CPNE4: variants seen among roughly 807,000 people sequenced by gnomAD.
CPNE4 encodes copine-4.
CPNE4 carries 25 observed loss-of-function variants against 67.9 expected under a neutral mutation model. That is an observed-to-expected ratio of 0.37 (90% CI 0.27 to 0.51). CPNE4 has a LOEUF of 0.51. Among genes scored for constraint, CPNE4 ranks in the 20% least tolerant of loss-of-function variants. The pLI is 0.93. For missense variants in CPNE4, 464 were observed against 690.8 expected, an observed-to-expected ratio of 0.67 and a Z score of 3.68; for synonymous variants, 242 against 244.9, an observed-to-expected ratio of 0.99 and a Z score of 0.11.
At chr3:131,672,245 G>A (rs1005676358) in intron 6 of CPNE4, among the ~76,000 whole-genome samples, 4 of 152,114 alleles carry the variant, frequency 2.6e-5, no homozygotes, top group Non-Finnish European at 5.9e-5. Flanking sequence ...AGACTTGTAG[G>A]TTGCTTCCAA....
At chr3:131,586,556 A>G (rs1167283678) in intron 8 of CPNE4, among the ~76,000 whole-genome samples, 1 of 152,204 alleles carries the variant, frequency 6.6e-6, no homozygotes, top group Non-Finnish European at 1.5e-5. Context: ...ACCTCCTGTT[A>G]CATCTCCTTC....
chr3:131,920,652 AGATGCT>A (rs988012416), intron 1 of CPNE4, among the ~76,000 whole-genome samples: 12 of 152,160 alleles, frequency 7.9e-5, no homozygotes, highest in Non-Finnish European at 1.6e-4. Context: ...CAGTGGCTTC[AGATGCT>A]GATAAGAAAA....
At chr3:131,714,795 G>A (rs7633875) in intron 3 of CPNE4, among the ~76,000 whole-genome samples, 128,147 of 152,096 alleles carry the variant, frequency 0.84, 55,053 homozygotes, top group Non-Finnish European at 0.94. Flanking sequence ...CTCAAGTTTG[G>A]GAACCACTGC....
intron 10 of CPNE4, among the ~76,000 whole-genome samples, chr3:131,567,558 C>T (rs912860927): frequency 3.3e-5 from 5 of 151,884 alleles, no homozygotes; most frequent in South Asian, 2.1e-4. Flanking sequence ...ACCCCAGGTA[C>T]GTCTCTTGCT....
intron 7 of CPNE4, among the ~76,000 whole-genome samples, chr3:131,652,572 TAA>T (rs1318071048): frequency 2.6e-5 from 4 of 152,206 alleles, no homozygotes; most frequent in Non-Finnish European, 5.9e-5. Flanking sequence ...TATATATTAT[TAA>T]GTTAGAAAAT....
chr3:131,728,513 T>G (rs988809474), intron 2 of CPNE4, among the ~76,000 whole-genome samples: 1 of 152,078 alleles, frequency 6.6e-6, no homozygotes, highest in African/African-American at 2.4e-5. Flanking sequence ...GTGGAACTGA[T>G]AGGGAAAGTC....
chr3:131,610,194 C>T lies in CPNE4; in HGVS notation c.682-22612G>A, dbSNP rs75513808. Among the ~76,000 whole-genome samples the T allele has an allele frequency of 7.1e-3, 1,079 of 152,202 alleles. 6 individuals are homozygous for T. The highest frequency in any genetic ancestry group is 0.025 in the African/African-American group (1,026 of 41,540). ...ACTGTAGATAAAATGATGAACAAGG[C>T]AGCCATTGCTTTTTCCATCACAAAG... On this transcript the variant is annotated intron_variant, in intron 7 of 15. Transcript: ENST00000429747.
chr3:131,562,615 T>A (rs1333235414), intron 11 of CPNE4, among the ~76,000 whole-genome samples: 8 of 152,150 alleles, frequency 5.3e-5, no homozygotes, highest in African/African-American at 1.7e-4. Flanking sequence ...TGTATGCATC[T>A]GTGTGTGTGG....
chr3:131,996,753 C>T (rs779431099), intron 1 of CPNE4, among the ~76,000 whole-genome samples: 7 of 151,914 alleles, frequency 4.6e-5, no homozygotes, highest in Non-Finnish European at 7.4e-5. Context: ...TTCTGTACGG[C>T]GTGTTCTGAT....
In CPNE4 at chr3:131,723,703, C is replaced by T. The variant is rs1171788863; in HGVS notation, c.181-78G>A. The T allele has an allele frequency of 3.1e-6, 4 of 1,295,420 alleles. No individual in the cohort carries two copies. The African/African-American group carries it at 4.4e-5, about 14-fold the overall frequency. The allele number at this position is 1,295,420 out of a possible 1,614,324, so 80.2% of individuals were successfully genotyped here. A position where few individuals can be genotyped will look rare whatever the true frequency, so the allele number is the denominator to read the frequency against. ...CCGTTCAAGAAAATTCATCTCAGAG[C>T]ACTTCCCTTCTTCCCAACCATAAAT... On this transcript the variant is annotated intron_variant, in intron 2 of 15. Transcript: ENST00000429747.
intron 3 of CPNE4, among the ~76,000 whole-genome samples, chr3:131,718,169 T>C (rs2081784381): frequency 6.6e-6 from 1 of 152,008 alleles, no homozygotes; most frequent in South Asian, 2.1e-4. Flanking sequence ...TAATATTTTG[T>C]ATTTTTAGTA....
intron 1 of CPNE4, among the ~76,000 whole-genome samples, chr3:131,951,569 G>A (rs145861897): frequency 7.2e-6 from 1 of 139,824 alleles, no homozygotes; most frequent in African/African-American, 3.3e-5. Flanking sequence ...CTCTTTCCAC[G>A]GTCTCCCTCT....
chr3:131,955,410 G>GTTTTTTTGTTTTTTTTTTTTTTTTTTT (rs1553814124), intron 1 of CPNE4, among the ~76,000 whole-genome samples: 2 of 42,272 alleles, frequency 4.7e-5, no homozygotes, highest in African/African-American at 9.2e-5. Context: ...TGTATGTAAG[G>GTTTTTTTGTTTTTTTTTTTTTTTTTTT]TTTTTTTTTT....
At chr3:131,936,351 C>A (rs564303114) in intron 1 of CPNE4, among the ~76,000 whole-genome samples, 203 of 152,120 alleles carry the variant, frequency 1.3e-3, no homozygotes, top group African/African-American at 3.0e-3. Flanking sequence ...AAGACATATC[C>A]CTTTTTTGCA....
chr3:131,832,082 G>A (rs565614284), intron 2 of CPNE4, among the ~76,000 whole-genome samples: 1 of 152,098 alleles, frequency 6.6e-6, no homozygotes, highest in African/African-American at 2.4e-5. Context: ...GGGGTTCAAA[G>A]TTCTATCTAA....
chr3:131,863,383 T>A (rs1314506352), intron 2 of CPNE4, among the ~76,000 whole-genome samples: 1 of 152,168 alleles, frequency 6.6e-6, no homozygotes, highest in Non-Finnish European at 1.5e-5. Flanking sequence ...GTTTCCTGAC[T>A]TTTTAATGAT....
At chr3:131,657,532 A>ATTT (rs55842033) in intron 7 of CPNE4, among the ~76,000 whole-genome samples, 107 of 120,198 alleles carry the variant, frequency 8.9e-4, no homozygotes, top group African/African-American at 3.3e-3. Context: ...AATTATCTGT[A>ATTT]TTTTTTTTTT....
Position 131,883,353 on chromosome 3 carries a change from A to G in CPNE4, c.180+21911T>C, listed in dbSNP as rs116295862. Among the ~76,000 whole-genome samples, 149 of 152,250 alleles carry G rather than the reference A, an allele frequency of 9.8e-4. No homozygotes were observed. In the Middle Eastern group the frequency reaches 0.01, roughly 10 times the overall value. ...CATTTTCTCTCATACCTTACTTTCAATTCATTAGCAAAGTCTATGGGGTGT... is the reference window on the plus strand; with the variant it reads ...CATTTTCTCTCATACCTTACTTTCAGTTCATTAGCAAAGTCTATGGGGTGT... On this transcript the variant is annotated intron_variant, in intron 2 of 15. Coordinates refer to ENST00000429747, the MANE Select transcript of CPNE4 (RefSeq NM_130808.3).
intron 7 of CPNE4, among the ~76,000 whole-genome samples, chr3:131,620,134 T>C (rs989402137): frequency 6.6e-6 from 1 of 152,224 alleles, no homozygotes; most frequent in African/African-American, 2.4e-5. Flanking sequence ...GCTAGTGTGC[T>C]GCTCTGGTTG....
Sources: gnomAD v4.1 joint callset for allele counts (sites outside exome capture counted in the v4.1 genomes callset) on GRCh38, gnomAD v4.1.1 for gene constraint, MANE v1.5 for transcripts, NCBI Gene and HGNC (gene_info 2026-07-23, HGNC 2026-07-21) for gene names.